The following TENM2 variants were observed in gnomAD, a reference collection of about 807,000 sequenced individuals.
TENM2 encodes the protein teneurin transmembrane protein 2, also known as teneurin-2.
A neutral mutation model predicts 245.2 loss-of-function variants in TENM2; 52 were observed. The observed-to-expected ratio is 0.21, with a 90% CI of 0.17 to 0.27. The LOEUF is 0.27. Ranked by LOEUF, TENM2 falls within the 10% of genes least tolerant of loss-of-function variation. The pLI is 1.00. For missense variants in TENM2, 3,046 were observed against 3,666.8 expected, an observed-to-expected ratio of 0.83 and a Z score of 4.37; for synonymous variants, 1,363 against 1,438.9, an observed-to-expected ratio of 0.95 and a Z score of 1.19.
chr5:167,149,798 G>A, the TENM2 span, among the ~76,000 whole-genome samples: 2 of 152,122 alleles, frequency 1.3e-5, no homozygotes, highest in Admixed American at 1.3e-4. Context: ...TCTTCCATCT[G>A]TGATTATCTT....
chr5:167,243,837 A>G, the TENM2 span, among the ~76,000 whole-genome samples: 2 of 152,164 alleles, frequency 1.3e-5, no homozygotes, highest in Non-Finnish European at 2.9e-5. Context: ...TCCTTCACAA[A>G]GTATCTCTGC....
At chr5:167,681,254 CT>C (rs1390352373) in intron 2 of TENM2, among the ~76,000 whole-genome samples, 1 of 152,062 alleles carries the variant, frequency 6.6e-6, no homozygotes, top group East Asian at 1.9e-4. Flanking sequence ...TTCTTTTCTT[CT>C]TTTTTAATAG....
the TENM2 span, among the ~76,000 whole-genome samples, chr5:167,138,136 C>T: frequency 1.3e-5 from 2 of 152,200 alleles, no homozygotes; most frequent in Admixed American, 6.5e-5. Context: ...TCAAATCTCT[C>T]ATGTTTGCTT....
At chr5:167,105,196 T>C in the TENM2 span, among the ~76,000 whole-genome samples, 3,329 of 152,226 alleles carry the variant, frequency 0.022, 66 homozygotes, top group South Asian at 0.084. Flanking sequence ...TTTAAATGAG[T>C]CTATAATTTT....
chr5:168,036,133 T>C (rs931017822), intron 5 of TENM2, among the ~76,000 whole-genome samples: 1 of 152,110 alleles, frequency 6.6e-6, no homozygotes, highest in African/African-American at 2.4e-5. Context: ...GGGATTTCCA[T>C]GGAGTTAGGA....
intron 1 of TENM2, among the ~76,000 whole-genome samples, chr5:167,360,070 T>C (rs1759610099): frequency 6.6e-6 from 1 of 152,148 alleles, no homozygotes; most frequent in African/African-American, 2.4e-5. Context: ...TACTGGGCAC[T>C]AGGCTTAGTA....
chr5:167,655,428 G>A (rs920405532), intron 2 of TENM2, among the ~76,000 whole-genome samples: 1 of 152,116 alleles, frequency 6.6e-6, no homozygotes, highest in African/African-American at 2.4e-5. Context: ...AGGAAAAGCA[G>A]GCCACCTTGA....
At chr5:167,115,717 G>A in the TENM2 span, among the ~76,000 whole-genome samples, 3 of 152,156 alleles carry the variant, frequency 2.0e-5, no homozygotes, top group African/African-American at 7.2e-5. Context: ...ATAAATTATG[G>A]TGTGAGAAAA....
At chr5:168,207,709 A>T (rs1184613579) in intron 19 of TENM2, among the ~76,000 whole-genome samples, 1 of 152,082 alleles carries the variant, frequency 6.6e-6, no homozygotes, top group Non-Finnish European at 1.5e-5. Flanking sequence ...CAGCTGAATG[A>T]TTCCATTTCG....
At chr5:167,324,652 G>A (rs1417368244) in intron 1 of TENM2, among the ~76,000 whole-genome samples, 1 of 151,712 alleles carries the variant, frequency 6.6e-6, no homozygotes, top group Non-Finnish European at 1.5e-5. Context: ...GGACCACGAT[G>A]TATTTGGATA....
intron 12 of TENM2, among the ~76,000 whole-genome samples, chr5:168,138,337 T>TA (rs1755246352): frequency 1.3e-5 from 2 of 152,344 alleles, no homozygotes; most frequent in Admixed American, 6.5e-5. Flanking sequence ...GGAGAGCACT[T>TA]AACATATGCT....
At chr5:167,563,067 C>A (rs895322754) in intron 2 of TENM2, among the ~76,000 whole-genome samples, 1 of 151,872 alleles carries the variant, frequency 6.6e-6, no homozygotes, top group African/African-American at 2.4e-5. Flanking sequence ...TGCCTAGGTA[C>A]TGTAGCAATG....
intron 7 of TENM2, among the ~76,000 whole-genome samples, chr5:168,073,952 C>T (rs758108607): frequency 6.6e-6 from 1 of 152,196 alleles, no homozygotes; most frequent in African/African-American, 2.4e-5. Flanking sequence ...GCCCTGCCCT[C>T]ATGTGGCTAG....
At chr5:167,515,660 C>CATATATAT (rs1770309362) in intron 2 of TENM2, among the ~76,000 whole-genome samples, 1 of 86,810 alleles carries the variant, frequency 1.2e-5, no homozygotes, top group African/African-American at 4.7e-5. Context: ...CACATATATA[C>CATATATAT]GTATATATGT....
the TENM2 span, among the ~76,000 whole-genome samples, chr5:166,991,163 GT>G: frequency 0.16 from 21,721 of 133,114 alleles, 2,069 homozygotes; most frequent in Non-Finnish European, 0.23. Context: ...TTGGTTTGGT[GT>G]TTTGATTTTT....
At chr5:167,880,361 C>T (rs1425167999) in intron 3 of TENM2, among the ~76,000 whole-genome samples, 1 of 151,880 alleles carries the variant, frequency 6.6e-6, no homozygotes, top group Admixed American at 6.6e-5. Flanking sequence ...TTTTTTTCAG[C>T]TATAATTAGA....
the TENM2 span, among the ~76,000 whole-genome samples, chr5:167,132,375 A>G: frequency 6.6e-6 from 1 of 152,088 alleles, no homozygotes; most frequent in Admixed American, 6.5e-5. Flanking sequence ...ATCATGATCT[A>G]GAGAAACACG....
At chr5:168,175,449 G>A (rs558632098) in intron 13 of TENM2, among the ~76,000 whole-genome samples, 68 of 152,282 alleles carry the variant, frequency 4.5e-4, no homozygotes, top group Non-Finnish European at 7.1e-4. Flanking sequence ...TCATGAACCG[G>A]TGACCCCCAA....
At chr5:167,111,365 C>G in the TENM2 span, among the ~76,000 whole-genome samples, 1 of 152,068 alleles carries the variant, frequency 6.6e-6, no homozygotes, top group Non-Finnish European at 1.5e-5. Context: ...CTTTTGTTCA[C>G]TGATATGGTT....
Sources: gnomAD v4.1 joint callset for allele counts (sites outside exome capture counted in the v4.1 genomes callset) on GRCh38, gnomAD v4.1.1 for gene constraint, MANE v1.5 for transcripts, NCBI Gene and HGNC (gene_info 2026-07-23, HGNC 2026-07-21) for gene names.